Variants in IQCM observed in about 807,000 individuals in gnomAD.
IQCM encodes IQ domain-containing protein M.
A neutral mutation model predicts 57.6 loss-of-function variants in IQCM; 45 were observed. The ratio of observed to expected loss-of-function variants is 0.78; its 90% CI spans 0.62 to 1.00. IQCM has a LOEUF of 1.00. Ranked by LOEUF, IQCM falls within the 50% of genes least tolerant of loss-of-function variation. IQCM has a pLI of 0.00. For missense variants in IQCM, 468 were observed against 511.6 expected (o/e 0.91, Z 0.82); for synonymous variants, 148 against 158.9 (o/e 0.93, Z 0.51).
chr4:149,587,666 T>A (rs1752766046), intron 9 of IQCM, among the ~76,000 whole-genome samples: 1 of 151,762 alleles, frequency 6.6e-6, no homozygotes, highest in African/African-American at 2.4e-5. Flanking sequence ...TTATGGCAAA[T>A]TAAATGTTTC....
In IQCM at chr4:149,368,952, ATATACACGTGTATATATATATGTG is replaced by A. The variant is rs1730126106; in HGVS notation, c.1391-16910_1391-16887del. ...TACACGTGTATATATATGTGTATAT[ATATACACGTGTATATATATATGTG>A]TATATATATACACGTGTATATATAT... On this transcript the variant is annotated intron_variant, in intron 13 of 13. Transcript: ENST00000636793. Among the ~76,000 whole-genome samples the A allele has an allele frequency of 4.6e-5, 4 of 87,454 alleles. 1 individual carries two copies. Among genetic ancestry groups the A allele is most frequent in the Non-Finnish European group, 9.2e-5 (4 of 43,582 alleles). 57.4% of individuals were successfully genotyped at this position (87,454 alleles called of 152,430 possible).
At chr4:149,443,778 T>A (rs1361716736) in intron 12 of IQCM, among the ~76,000 whole-genome samples, 6 of 150,916 alleles carry the variant, frequency 4.0e-5, no homozygotes. Flanking sequence ...TCAACCCATT[T>A]AAATACATCA....
At chr4:149,806,379 T>G (rs1774081402) in intron 2 of IQCM, among the ~76,000 whole-genome samples, 1 of 152,000 alleles carries the variant, frequency 6.6e-6, no homozygotes, top group African/African-American at 2.4e-5. Flanking sequence ...AATAACTTGT[T>G]GCTAACTCTA....
At chr4:149,708,332 A>G (rs1474589155) in intron 5 of IQCM, among the ~76,000 whole-genome samples, 2 of 152,016 alleles carry the variant, frequency 1.3e-5, no homozygotes, top group Non-Finnish European at 2.9e-5. Context: ...CTACAAGAAA[A>G]CAAAGCTGAA....
chr4:149,766,474 G>A (rs1770070033), intron 2 of IQCM, among the ~76,000 whole-genome samples: 1 of 152,046 alleles, frequency 6.6e-6, no homozygotes, highest in African/African-American at 2.4e-5. Flanking sequence ...GTCCAAGCAA[G>A]GCTCTGTTCC....
intron 2 of IQCM, among the ~76,000 whole-genome samples, chr4:149,784,467 G>C (rs565583816): frequency 6.6e-6 from 1 of 152,302 alleles, no homozygotes; most frequent in South Asian, 2.1e-4. Flanking sequence ...CCAGGCTGGA[G>C]TGCAGTGGCG....
chr4:149,457,054 G>T (rs901573788), intron 12 of IQCM, among the ~76,000 whole-genome samples: 1 of 152,052 alleles, frequency 6.6e-6, no homozygotes, highest in African/African-American at 2.4e-5. Flanking sequence ...TCTAAATGAA[G>T]CTGTAGTTCC....
chr4:149,717,586 T>C (rs1325927719), intron 5 of IQCM, among the ~76,000 whole-genome samples: 1 of 152,182 alleles, frequency 6.6e-6, no homozygotes, highest in African/African-American at 2.4e-5. Flanking sequence ...TCTTAATAAG[T>C]TCAGCCTCAA....
At chr4:149,411,912 A>G (rs550037017) in intron 13 of IQCM, among the ~76,000 whole-genome samples, 1 of 152,360 alleles carries the variant, frequency 6.6e-6, no homozygotes, top group African/African-American at 2.4e-5. Context: ...TTTCTACTTC[A>G]GAACTGAAGG....
chr4:149,714,610 T>C (rs1764841066), intron 5 of IQCM, among the ~76,000 whole-genome samples: 1 of 152,212 alleles, frequency 6.6e-6, no homozygotes, highest in South Asian at 2.1e-4. Flanking sequence ...ATATGTACCA[T>C]GTTTGTTCCT....
At chr4:149,809,968 G>A (rs1034135666) in intron 2 of IQCM, among the ~76,000 whole-genome samples, 4 of 152,124 alleles carry the variant, frequency 2.6e-5, no homozygotes, top group African/African-American at 4.8e-5. Context: ...CCGAGTGTCT[G>A]ATTAGCACAT....
chr4:149,517,013 T>C (rs1387832242), intron 12 of IQCM, among the ~76,000 whole-genome samples: 2 of 149,992 alleles, frequency 1.3e-5, no homozygotes, highest in African/African-American at 4.9e-5. Flanking sequence ...AGTATTACCA[T>C]GACCTGTGAT....
At chr4:149,807,344 T>C (rs1774180686) in intron 2 of IQCM, among the ~76,000 whole-genome samples, 1 of 151,964 alleles carries the variant, frequency 6.6e-6, no homozygotes, top group Non-Finnish European at 1.5e-5. Context: ...TAGACTCTTT[T>C]TAAATAAATT....
intron 13 of IQCM, among the ~76,000 whole-genome samples, chr4:149,356,811 A>G (rs1360706235): frequency 1.3e-5 from 2 of 152,174 alleles, no homozygotes; most frequent in Non-Finnish European, 2.9e-5. Context: ...TGGGGATGGC[A>G]TTGAATCTAT....
At chr4:149,357,070 G>T (rs1028742609) in intron 13 of IQCM, among the ~76,000 whole-genome samples, 2 of 152,180 alleles carry the variant, frequency 1.3e-5, no homozygotes, top group African/African-American at 4.8e-5. Flanking sequence ...GTAAAAGAAT[G>T]CTTGTGATTT....
In IQCM at chr4:149,442,719, G is replaced by A. The variant is rs1736070536; in HGVS notation, c.1229-9162C>T. On this transcript the variant is annotated intron_variant, in intron 12 of 13. Transcript: ENST00000636793. ...AGGTAATTCAGGTTTTCCTTACCATGCTCCTCACTTCTTTCTGAGTCCTTA... is the reference window on the plus strand; with the variant it reads ...AGGTAATTCAGGTTTTCCTTACCATACTCCTCACTTCTTTCTGAGTCCTTA... 2.0e-5 allele frequency among the ~76,000 whole-genome samples: 3 copies of A among 151,882 alleles called. No individual in the cohort carries two copies. The Admixed American group carries it at 2.0e-4, about 10-fold the overall frequency.
intron 5 of IQCM, among the ~76,000 whole-genome samples, chr4:149,699,359 C>T (rs893209509): frequency 1.3e-5 from 2 of 151,816 alleles, no homozygotes; most frequent in African/African-American, 4.8e-5. Flanking sequence ...GAATTTTTAC[C>T]AAGTAAATAC....
rs371051488 is a variant in IQCM, at chr4:149,626,392, C to CATATATATATATATATATAT, written c.566-5149_566-5148insATATATATATATATATATAT. Among the ~76,000 whole-genome samples the CATATATATATATATATATAT allele has an allele frequency of 7.9e-3, 950 of 120,414 alleles. 36 individuals are homozygous for CATATATATATATATATATAT. The highest frequency in any genetic ancestry group is 0.014 in the South Asian group (42 of 3,056). The allele number at this position is 120,414 out of a possible 152,430, so 79.0% of individuals were successfully genotyped here. On this transcript the variant is annotated intron_variant, in intron 7 of 13. Transcript: ENST00000636793. ...GATTGTGTTAGTTATACTTAATAAA[C>CATATATATATATATATATAT]ATATATATATATAAGTTTATAGCAA... is the stretch of plus-strand genomic sequence containing the variant.
At chr4:149,358,879 G>GATATACTCTCATGAGTATATCAAGAT (rs1427812018) in intron 13 of IQCM, among the ~76,000 whole-genome samples, 1 of 151,868 alleles carries the variant, frequency 6.6e-6, no homozygotes, top group Non-Finnish European at 1.5e-5. Context: ...AGTATATCAT[G>GATATACTCTCATGAGTATATCAAGAT]AGACCACAGT....
Sources: gnomAD v4.1 joint callset for allele counts (sites outside exome capture counted in the v4.1 genomes callset) on GRCh38, gnomAD v4.1.1 for gene constraint, MANE v1.5 for transcripts, NCBI Gene and HGNC (gene_info 2026-07-23, HGNC 2026-07-21) for gene names.